Variants in SEC16A observed in about 807,000 individuals in gnomAD.
The protein encoded by SEC16A is protein transport protein Sec16A.
In SEC16A, 110 loss-of-function variants were observed where a neutral mutation model predicts 221.9. The ratio of observed to expected loss-of-function variants is 0.50; its 90% confidence interval spans 0.42 to 0.58. The LOEUF (loss-of-function observed/expected upper bound fraction) is 0.58, where lower values mean the gene tolerates loss of function less well. SEC16A is among the 20% of genes least tolerant of loss of function. The pLI, the probability that SEC16A is intolerant of heterozygous loss-of-function variation, is 0.00. For synonymous variants in SEC16A, 1,393 were observed against 1,257.7 expected, an observed-to-expected ratio of 1.11 and a Z score of -2.28; for missense variants, 3,165 against 3,097.8, an observed-to-expected ratio of 1.02 and a Z score of -0.52.
At chr9:136,454,614 C>T (rs1471375160) in intron 20 of SEC16A, among the ~76,000 whole-genome samples, 1 of 152,136 alleles carries the variant, frequency 6.6e-6, no homozygotes, top group Non-Finnish European at 1.5e-5. Context: ...ATGGCGGCCG[C>T]CTGGCACAGA....
intron 4 of SEC16A, among the ~76,000 whole-genome samples, chr9:136,469,008 C>T (rs1011951859): frequency 2.6e-5 from 4 of 152,172 alleles, no homozygotes; most frequent in African/African-American, 7.2e-5. Flanking sequence ...GCTACCACAC[C>T]TGGCTAATTT....
At chr9:136,484,442 G>T (rs1245181758), upstream of SEC16A, 2 of 1,201,984 alleles carry the variant, frequency 1.7e-6, no homozygotes, top group Non-Finnish European at 2.1e-6. Flanking sequence ...TGAGGAAGCG[G>T]CCAGCCATGC....
In SEC16A at chr9:136,447,660, A is replaced by G; in HGVS notation, c.6468T>C (p.Pro2156=). ...GCACAGTCTTGGGCATCGAGGTTGG[A>G]GGTGGGGGCGGGGCTTTCTTCTGCA... ...PEEEKKAPPP[P]PTSMPKTVQA... Residue 2156 remains proline (P), a synonymous_variant, in exon 26 of 32, where the codon CCT becomes CCC. Coordinates refer to ENST00000684901, the MANE Select transcript of SEC16A (RefSeq NM_014866.2). The surrounding 1 kb of genome is among the most constrained non-coding windows in gnomAD (Gnocchi z 5.5). 6.3e-7 allele frequency: 1 copy of G among 1,598,038 alleles called. No individual in the cohort carries two copies. Among genetic ancestry groups the G allele is most frequent in the Non-Finnish European group, 8.6e-7 (1 of 1,165,826 alleles).
rs533403475 is a variant in SEC16A, at chr9:136,454,587, G to A, written c.5858-260C>T. On this transcript the variant is annotated intron_variant, in intron 20 of 31. Coordinates refer to ENST00000684901, the MANE Select transcript of SEC16A (RefSeq NM_014866.2). The stretch of plus-strand genomic sequence containing the variant: ...CAGCGGCACGCGGGCTCCAGGGCCC[G>A]GCCCACACGCAAGCCCATGGCGGCC... Among the ~76,000 whole-genome samples the A allele has an allele frequency of 4.5e-4, 68 of 152,294 alleles. 2 individuals carry two copies. The highest frequency in any genetic ancestry group is 4.8e-5 in the African/African-American group (2 of 41,576).
intron 1 of SEC16A, among the ~76,000 whole-genome samples, chr9:136,479,901 C>T (rs1377124658): frequency 1.3e-5 from 2 of 151,732 alleles, no homozygotes; most frequent in African/African-American, 4.8e-5. Flanking sequence ...ACTCGGGAGG[C>T]TGAGGTGGGA....
chr9:136,480,596 T>C (rs1209052104), intron 1 of SEC16A, among the ~76,000 whole-genome samples: 1 of 152,158 alleles, frequency 6.6e-6, no homozygotes, highest in Non-Finnish European at 1.5e-5. Context: ...TCCCACCTGC[T>C]GTTTAACAGG....
Position 136,455,734 on chromosome 9 carries a change from C to T in SEC16A, c.5724G>A (p.Pro1908=), listed in dbSNP as rs200262949. ...GALPQQCPGT[P]SSEMEQLDRP... ...TGTCCAACTGCTCCATCTCGGAACTCGGAGTGCCAGGACACTGCTGCGGGA... is the reference window on the plus strand; with the variant it reads ...TGTCCAACTGCTCCATCTCGGAACTTGGAGTGCCAGGACACTGCTGCGGGA... The change falls in exon 20 of 32, where the codon CCG becomes CCA. Residue 1908 remains proline (P), a synonymous_variant. Transcript: ENST00000684901. 7.3e-5 allele frequency: 117 copies of T among 1,597,850 alleles called. No homozygotes were observed. The Admixed American group carries it at 1.7e-3, about 23-fold the overall frequency.
At chr9:136,471,296 C>A (rs918238536) in intron 4 of SEC16A, among the ~76,000 whole-genome samples, 4 of 136,224 alleles carry the variant, frequency 2.9e-5, no homozygotes, top group South Asian at 4.6e-4. Flanking sequence ...GTGAGACCCT[C>A]GTCTCTACAA....
chr9:136,479,537 A>G (rs1842057216), intron 1 of SEC16A, among the ~76,000 whole-genome samples: 1 of 152,076 alleles, frequency 6.6e-6, no homozygotes, highest in South Asian at 2.1e-4. Context: ...TCTTTTCAGT[A>G]GAGATGGGGT....
chr9:136,459,408 G>T lies in SEC16A; in HGVS notation c.5303+36C>A. Reference sequence around the variant, plus strand: ...GAAGGATTTTGTTTTACTTTGAAAGGAAAACTTACAGGACTACACTGACTT... The same window carrying T: ...GAAGGATTTTGTTTTACTTTGAAAGTAAAACTTACAGGACTACACTGACTT... On this transcript the variant is annotated intron_variant, in intron 16 of 31. Coordinates refer to ENST00000684901, the MANE Select transcript of SEC16A (RefSeq NM_014866.2). The surrounding 1 kb of genome is among the most constrained non-coding windows in gnomAD (Gnocchi z 6.1). The T allele has an allele frequency of 1.3e-6, 2 of 1,509,198 alleles. No homozygotes were observed. The highest frequency in any genetic ancestry group is 2.3e-5 in the East Asian group (1 of 42,982). 93.5% of individuals were successfully genotyped at this position (1,509,198 alleles called of 1,614,324 possible).
Position 136,463,043 on chromosome 9 carries a change from C to G in SEC16A, c.4737G>C (p.Leu1579=), listed in dbSNP as rs374485134. The change falls in exon 12 of 32, where the codon CTG becomes CTC. Residue 1579 remains leucine (L), a synonymous_variant. Transcript: ENST00000684901. ...LPGKSPNEAN[L]IDFTNEAVEQ... ...CCACTGCCTCATTCGTGAAATCAAT[C>G]AGGTTTGCTTCATTGGGCGACTTCC... is the stretch of plus-strand genomic sequence containing the variant. 6.2e-7 allele frequency: 1 copy of G among 1,612,612 alleles called. No individual in the cohort carries two copies. The highest frequency in any genetic ancestry group is 8.5e-7 in the Non-Finnish European group (1 of 1,179,908).
rs372757162 is a variant in SEC16A at position 136,475,731 on chromosome 9, C to T, written c.1885G>A (p.Ala629Thr). The change falls in exon 3 of 32, where the codon GCC becomes ACC. Residue 629 changes from alanine (A) to threonine (T), a missense_variant. By Grantham distance (58) the Ala-to-Thr change is moderately conservative (BLOSUM62 0). This residue lies in a region of SEC16A where 2,030 missense variants were observed against 1,923.1 expected (regional missense o/e 1.06). Coordinates refer to ENST00000684901, the MANE Select transcript of SEC16A (RefSeq NM_014866.2). This position sits in a 1 kb window ranked among gnomAD's most constrained non-coding sequence, Gnocchi z 5.0. ...TCCCTTACTTCACCAACCACGTTGG[C>T]GCGATCTGCCTCAAATGGTTTTACC... is the stretch of plus-strand genomic sequence containing the variant. ...VGVKPFEADR[A>T]NVVGEVRETC... The T allele has an allele frequency of 2.9e-5, 46 of 1,610,098 alleles. No homozygotes were observed. The highest frequency in any genetic ancestry group is 3.6e-5 in the Non-Finnish European group (43 of 1,178,282).
At chr9:136,446,831 C>T (rs1837059950) in intron 28 of SEC16A, 24 bp downstream of exon 28, 2 of 1,575,806 alleles carry the variant, frequency 1.3e-6, no homozygotes, top group East Asian at 4.5e-5. Flanking sequence ...GGTACCTTTC[C>T]CCTTTCCCAC....
chr9:136,469,110 A>G (rs749348951), intron 4 of SEC16A, among the ~76,000 whole-genome samples: 15 of 152,226 alleles, frequency 9.9e-5, no homozygotes, highest in South Asian at 2.1e-4. Context: ...TCAGCCTCCT[A>G]AAGTGCTGGG....
chr9:136,470,527 C>T (rs1840720034), intron 4 of SEC16A, among the ~76,000 whole-genome samples: 1 of 152,336 alleles, frequency 6.6e-6, no homozygotes, highest in Admixed American at 6.5e-5. Context: ...ACTTCAAACC[C>T]CGCTTCCCAG....
chr9:136,470,981 C>G (rs945267273), intron 4 of SEC16A, among the ~76,000 whole-genome samples: 1 of 152,154 alleles, frequency 6.6e-6, no homozygotes, highest in African/African-American at 2.4e-5. Context: ...CCTCGCAGGG[C>G]TCTGCGCACC....
At chr9:136,482,858 C>A (rs1466262611) in intron 1 of SEC16A, 80 bp downstream of exon 1, 1 of 512,760 alleles carries the variant, frequency 2.0e-6, no homozygotes, top group Non-Finnish European at 2.5e-6. Context: ...CGCGCCCCGA[C>A]CTCCACGGCC....
Position 136,441,704 on chromosome 9 carries a change from G to C in SEC16A, c.*51C>G. On this transcript the variant is annotated 3_prime_UTR_variant, in exon 32 of 32. Transcript: ENST00000684901. ...TCGCGGAGGTCGGTCGGGTTCTTCG[G>C]GGAGAACAGCAGCGTCAGGGCTCCA... The C allele has an allele frequency of 6.4e-7, 1 of 1,562,430 alleles. No homozygotes were observed. Among genetic ancestry groups the C allele is most frequent in the Non-Finnish European group, 8.8e-7 (1 of 1,134,176 alleles).
rs747321543 is a variant in SEC16A, at chr9:136,456,150, C to T, written c.5567G>A (p.Arg1856Gln). The change falls in exon 19 of 32, where the codon CGA becomes CAA. Residue 1856 changes from arginine (R) to glutamine (Q), a missense_variant. This residue lies in a region of SEC16A where 1,088 missense variants were observed against 1,089.6 expected (regional missense o/e 1.00). Transcript: ENST00000684901. ...CTCTTTCAGCTGGGGATCGAAGAGT[C>T]GTAACTGGGAAGCCATCTAGACACG... ...SQLVQMASQL[R>Q]LFDPQLKEKP... 89 of 1,611,836 alleles carry T rather than the reference C, an allele frequency of 5.5e-5. No individual in the cohort carries two copies. In the South Asian group the frequency reaches 8.6e-4, roughly 16 times the overall value.
Sources: gnomAD v4.1 joint callset for allele counts (sites outside exome capture counted in the v4.1 genomes callset) on GRCh38, gnomAD v4.1.1 for gene constraint, gnomAD v4.1.1 regional missense constraint, Gnocchi (gnomAD v3.1) non-coding constraint, MANE v1.5 for transcripts, NCBI Gene and HGNC (gene_info 2026-07-23, HGNC 2026-07-21) for gene names.